Variants in FNIP2 observed in about 807,000 individuals in gnomAD.
The protein encoded by FNIP2 is folliculin interacting protein 2.
Under a neutral mutation model 108.7 loss-of-function variants are expected in FNIP2, and 32 were observed. The ratio of observed to expected loss-of-function variants is 0.29; its 90% CI spans 0.22 to 0.40. FNIP2 has a LOEUF of 0.40. FNIP2 is among the 10% of genes least tolerant of loss of function. The probability of loss-of-function intolerance (pLI) is 1.00; values close to 1 mark genes in which losing one functional copy is unlikely to be tolerated. For synonymous variants in FNIP2, 480 were observed against 496.7 expected, an observed-to-expected ratio of 0.97 and a Z score of 0.45; for missense variants, 1,202 against 1,381.6, an observed-to-expected ratio of 0.87 and a Z score of 2.06.
intron 7 of FNIP2, among the ~76,000 whole-genome samples, chr4:158,841,967 A>T (rs569463954): frequency 2.6e-4 from 39 of 152,268 alleles, no homozygotes; most frequent in Non-Finnish European, 4.7e-4. Flanking sequence ...GTAATAAACT[A>T]TCCAAATCTA....
intron 15 of FNIP2, among the ~76,000 whole-genome samples, chr4:158,894,947 A>T (rs1782546056): frequency 6.6e-6 from 1 of 152,252 alleles, no homozygotes; most frequent in African/African-American, 2.4e-5. Context: ...CCTTGAAAAT[A>T]ACAGGCCTAA....
At chr4:158,781,331 G>C (rs961599863) in intron 1 of FNIP2, among the ~76,000 whole-genome samples, 1 of 152,118 alleles carries the variant, frequency 6.6e-6, no homozygotes, top group African/African-American at 2.4e-5. Flanking sequence ...TGGGTGGACC[G>C]GTCTCTGTGA....
rs892420635 is a variant in FNIP2, at chr4:158,869,027, G to A, written c.2391G>A (p.Glu797=). ...DEGESDKGFA[E]DRGSRNDMAA... is the part of the protein sequence containing the mutation. Reference sequence around the variant, plus strand: ...GCGAGTCTGACAAGGGTTTTGCAGAGGACAGAGGCAGCAGAAACGACATGG... The same window carrying A: ...GCGAGTCTGACAAGGGTTTTGCAGAAGACAGAGGCAGCAGAAACGACATGG... Residue 797 remains glutamate, a synonymous_variant, in exon 13 of 17, where the codon GAG becomes GAA. Coordinates refer to ENST00000264433, the MANE Select transcript of FNIP2 (RefSeq NM_020840.3). 4 of 1,613,916 alleles carry A rather than the reference G, an allele frequency of 2.5e-6. No homozygotes were observed. Among genetic ancestry groups the A allele is most frequent in the Admixed American group, 1.7e-5 (1 of 60,014 alleles).
At chr4:158,826,702 A>G (rs1329045618) in intron 2 of FNIP2, among the ~76,000 whole-genome samples, 1 of 152,164 alleles carries the variant, frequency 6.6e-6, no homozygotes, top group Non-Finnish European at 1.5e-5. Context: ...TGGAACCAGA[A>G]TGGGAATGGT....
At chr4:158,869,493 C>A in intron 13 of FNIP2, 65 bp downstream of exon 13, 1 of 1,477,422 alleles carries the variant, frequency 6.8e-7, no homozygotes, top group Non-Finnish European at 8.9e-7. Context: ...GGCCTGACAC[C>A]TGTGATGTTG....
chr4:158,802,604 TACAGAAATGCATGAATA>T (rs1776799945), intron 1 of FNIP2, among the ~76,000 whole-genome samples: 1 of 152,222 alleles, frequency 6.6e-6, no homozygotes, highest in Non-Finnish European at 1.5e-5. Flanking sequence ...GTCAAGGAAT[TACAGAAATGCATGAATA>T]CTTACCTAGA....
At chr4:158,893,557 G>T in intron 15 of FNIP2, 1 of 636,324 alleles carries the variant, frequency 1.6e-6, no homozygotes, top group Non-Finnish European at 2.7e-6. Context: ...GTTTATTTGG[G>T]CTTTAAGCTG....
At chr4:158,871,930 A>G (rs1352821219) in intron 14 of FNIP2, 1 of 985,242 alleles carries the variant, frequency 1.0e-6, no homozygotes, top group East Asian at 1.1e-4. Context: ...TGTGTTTAGT[A>G]ACTGCCTATA....
intron 7 of FNIP2, among the ~76,000 whole-genome samples, chr4:158,845,035 A>T (rs1779324229): frequency 6.6e-6 from 1 of 152,264 alleles, no homozygotes; most frequent in Non-Finnish European, 1.5e-5. Context: ...AAATGTTAAC[A>T]GTAATCTGGT....
At chr4:158,849,966 C>T (rs1324947106) in intron 7 of FNIP2, among the ~76,000 whole-genome samples, 1 of 152,184 alleles carries the variant, frequency 6.6e-6, no homozygotes, top group Non-Finnish European at 1.5e-5. Flanking sequence ...GAGACCTCTG[C>T]TTTGGAAAGA....
At chr4:158,790,300 A>C (rs1272067205) in intron 1 of FNIP2, among the ~76,000 whole-genome samples, 1 of 151,566 alleles carries the variant, frequency 6.6e-6, no homozygotes, top group Non-Finnish European at 1.5e-5. Flanking sequence ...AATGGATCCT[A>C]TACTAAACTA....
intron 16 of FNIP2, among the ~76,000 whole-genome samples, chr4:158,902,362 C>T (rs910587398): frequency 3.3e-5 from 5 of 152,184 alleles, no homozygotes; most frequent in African/African-American, 1.2e-4. Flanking sequence ...CTGGAAGCTT[C>T]GTCCCAGAGG....
chr4:158,781,077 AC>A (rs1776031069), intron 1 of FNIP2, among the ~76,000 whole-genome samples: 2 of 151,902 alleles, frequency 1.3e-5, no homozygotes, highest in African/African-American at 4.8e-5. Context: ...AAGTCTAAGT[AC>A]TATTTCTAGG....
intron 7 of FNIP2, 58 bp from the exon 8 acceptor site, chr4:158,851,263 A>C: frequency 1.3e-6 from 2 of 1,574,992 alleles, no homozygotes; most frequent in Non-Finnish European, 1.7e-6. Context: ...GTTGTGCATT[A>C]TGTAGCTACA....
intron 1 of FNIP2, among the ~76,000 whole-genome samples, chr4:158,811,892 A>G (rs2126510734): frequency 6.6e-6 from 1 of 152,354 alleles, no homozygotes; most frequent in East Asian, 1.9e-4. Context: ...CGAACAAGCC[A>G]CGCGGGTGTT....
chr4:158,884,674 A>T (rs1451146791), intron 14 of FNIP2, among the ~76,000 whole-genome samples: 1 of 152,158 alleles, frequency 6.6e-6, no homozygotes, highest in Non-Finnish European at 1.5e-5. Context: ...AGTACTGCCC[A>T]AGACTGGGTA....
intron 7 of FNIP2, among the ~76,000 whole-genome samples, chr4:158,848,521 A>T (rs934734761): frequency 6.6e-6 from 1 of 152,202 alleles, no homozygotes; most frequent in African/African-American, 2.4e-5. Context: ...ACAAGCCCAG[A>T]TTGTGAAGAC....
At chr4:158,857,739 T>C (rs887306109) in intron 8 of FNIP2, among the ~76,000 whole-genome samples, 7 of 149,032 alleles carry the variant, frequency 4.7e-5, no homozygotes, top group Non-Finnish European at 1.0e-4. Flanking sequence ...GCCCAGGAGT[T>C]CAAGACCAGC....
At chr4:158,883,205 T>G (rs1038882318) in intron 14 of FNIP2, among the ~76,000 whole-genome samples, 1 of 152,030 alleles carries the variant, frequency 6.6e-6, no homozygotes, top group South Asian at 2.1e-4. Flanking sequence ...ACCTGAATCA[T>G]AAGTTGCCTG....
Sources: allele counts gnomAD v4.1 joint callset (sites outside exome capture counted in the v4.1 genomes callset), GRCh38; gene constraint gnomAD v4.1.1; transcripts MANE v1.5; gene names NCBI Gene and HGNC (gene_info 2026-07-23, HGNC 2026-07-21).